The following DOCK9 variants were observed in gnomAD, a reference collection of about 807,000 sequenced individuals.
DOCK9 encodes dedicator of cytokinesis protein 9.
A neutral mutation model predicts 263.3 loss-of-function variants in DOCK9; 89 were observed. The ratio of observed to expected loss-of-function variants is 0.34; its 90% confidence interval spans 0.28 to 0.40. The LOEUF (loss-of-function observed/expected upper bound fraction) is 0.40. DOCK9 is among the 10% of genes least tolerant of loss of function. The pLI, the probability that DOCK9 is intolerant of heterozygous loss-of-function variation, is 1.00. For synonymous variants in DOCK9, 976 were observed against 973.1 expected, an observed-to-expected ratio of 1.00 and a Z score of -0.06; for missense variants, 2,140 against 2,603.4, an observed-to-expected ratio of 0.82 and a Z score of 3.87.
chr13:98,956,210 G>A (rs1159927593), intron 1 of DOCK9, among the ~76,000 whole-genome samples: 1 of 152,196 alleles, frequency 6.6e-6, no homozygotes, highest in Admixed American at 6.5e-5. Flanking sequence ...CATGCACTGA[G>A]CAGGAAAAAG....
At chr13:99,055,935 T>C (rs1481489826) in intron 1 of DOCK9, among the ~76,000 whole-genome samples, 3 of 152,066 alleles carry the variant, frequency 2.0e-5, no homozygotes, top group Non-Finnish European at 4.4e-5. Context: ...CAGCCAAGCT[T>C]TCCAAAAGCA....
At chr13:98,851,719 A>G (rs2093577695) in intron 35 of DOCK9, among the ~76,000 whole-genome samples, 1 of 152,220 alleles carries the variant, frequency 6.6e-6, no homozygotes, top group Non-Finnish European at 1.5e-5. Flanking sequence ...CTCTGTGTTA[A>G]CCATCTCTGG....
intron 39 of DOCK9, chr13:98,834,420 G>A (rs1343385380): frequency 1.3e-5 from 2 of 152,106 alleles, no homozygotes; most frequent in Admixed American, 6.5e-5. Flanking sequence ...TGTGTCTGCC[G>A]ACCAGGCTCA....
At chr13:98,999,237 G>A (rs1881725518) in intron 1 of DOCK9, among the ~76,000 whole-genome samples, 1 of 150,758 alleles carries the variant, frequency 6.6e-6, no homozygotes, top group African/African-American at 2.4e-5. Flanking sequence ...TGTGTGACCT[G>A]GAACACAGGT....
At chr13:99,073,648 T>C (rs906347020) in intron 1 of DOCK9, among the ~76,000 whole-genome samples, 4 of 152,224 alleles carry the variant, frequency 2.6e-5, no homozygotes, top group African/African-American at 9.7e-5. Flanking sequence ...ATCATAAACC[T>C]GATTGCATTT....
chr13:98,936,073 C>T lies in DOCK9; in HGVS notation c.244-5816G>A, dbSNP rs2054774220. ...ATAAAATGACATTCTGGTTTGTGCT[C>T]TTGTGGGGTTGCCTGCAACAAGTCA... On this transcript the variant is annotated intron_variant, in intron 2 of 52. Coordinates refer to ENST00000682017, the MANE Select transcript of DOCK9 (RefSeq NM_001366683.2). Among the ~76,000 whole-genome samples, 6 of 152,254 alleles carry T rather than the reference C, an allele frequency of 3.9e-5. No individual in the cohort carries two copies. In the South Asian group the frequency reaches 1.2e-3, roughly 32 times the overall value.
intron 1 of DOCK9, among the ~76,000 whole-genome samples, chr13:99,005,920 C>T (rs1480306715): frequency 6.6e-6 from 1 of 152,114 alleles, no homozygotes; most frequent in Non-Finnish European, 1.5e-5. Flanking sequence ...GTCTGCTAAC[C>T]CTGAGGGGAA....
chr13:98,997,829 G>A (rs1364724987), intron 1 of DOCK9, among the ~76,000 whole-genome samples: 1 of 152,232 alleles, frequency 6.6e-6, no homozygotes, highest in Non-Finnish European at 1.5e-5. Context: ...GAATAACTGA[G>A]AAGCATGCTG....
At chr13:98,865,346 G>T (rs992754024) in intron 30 of DOCK9, among the ~76,000 whole-genome samples, 3 of 152,122 alleles carry the variant, frequency 2.0e-5, no homozygotes, top group African/African-American at 7.2e-5. Context: ...TGCTGGGATT[G>T]TAAGTGCGAG....
chr13:99,024,257 C>G (rs1461418755), intron 1 of DOCK9, among the ~76,000 whole-genome samples: 1 of 152,162 alleles, frequency 6.6e-6, no homozygotes, highest in East Asian at 1.9e-4. Context: ...CATGGCCCCA[C>G]TGTAAATTAG....
intron 48 of DOCK9, among the ~76,000 whole-genome samples, chr13:98,805,930 A>C (rs1181513349): frequency 4.8e-4 from 73 of 152,020 alleles, no homozygotes; most frequent in Non-Finnish European, 7.4e-5. Flanking sequence ...CCAGCTAATT[A>C]TATATTTTTA....
chr13:99,008,202 CTCTCTCTCTCTATA>C (rs1347255872), intron 1 of DOCK9, among the ~76,000 whole-genome samples: 10 of 79,954 alleles, frequency 1.3e-4, no homozygotes, highest in Non-Finnish European at 1.5e-4. Context: ...CTCTCTCTCT[CTCTCTCTCTCTATA>C]TATATATATA....
rs143071151 is a variant in DOCK9, at chr13:98,795,605, A to G, written c.6157-857T>C. ...CTACTTTCATCTTCTCTAGTGCCCA[A>G]TGTCGGCACCCACTGACCAAACTCT... On this transcript the variant is annotated intron_variant, in intron 52 of 52. Transcript: ENST00000682017. Among the ~76,000 whole-genome samples, 158 of 152,302 alleles carry G rather than the reference A, an allele frequency of 1.0e-3. 2 individuals carry two copies. The highest frequency in any genetic ancestry group is 3.6e-3 in the African/African-American group (148 of 41,564).
At chr13:98,877,178 C>T (rs1036468196) in intron 27 of DOCK9, among the ~76,000 whole-genome samples, 6 of 152,200 alleles carry the variant, frequency 3.9e-5, no homozygotes, top group Non-Finnish European at 5.9e-5. Context: ...GTTCTTGGCT[C>T]TGCTCAGTTG....
chr13:98,807,592 T>A (rs2090872951), intron 48 of DOCK9, 69 bp downstream of exon 48: 6 of 1,341,664 alleles, frequency 4.5e-6, no homozygotes, highest in Non-Finnish European at 5.9e-6. Context: ...TATATACATT[T>A]AAAAATATAT....
Position 98,868,378 on chromosome 13 carries a change from C to T in DOCK9, c.2944-1G>A. The T allele has an allele frequency of 3.7e-6, 6 of 1,608,026 alleles. No individual in the cohort carries two copies. The highest frequency in any genetic ancestry group is 5.1e-6 in the Non-Finnish European group (6 of 1,177,486). On this transcript the variant is annotated splice_acceptor_variant, in intron 27 of 52. Transcript: ENST00000682017. LOFTEE classifies it high-confidence loss of function. The stretch of plus-strand genomic sequence containing the variant: ...CAGGAAATCTCTGGTTTCGCAGCAA[C>T]TAAAAAGAATTCAGAGCAAACATTT...
intron 2 of DOCK9, among the ~76,000 whole-genome samples, chr13:98,944,742 A>G (rs879639929): frequency 4.6e-5 from 7 of 152,218 alleles, no homozygotes; most frequent in Non-Finnish European, 8.8e-5. Flanking sequence ...TGAGGTGCCA[A>G]TCAGCTGAAC....
Position 98,930,225 on chromosome 13 carries a change from T to C in DOCK9, c.276A>G (p.Ile92Met), listed in dbSNP as rs1299538165. The C allele has an allele frequency of 1.9e-6, 3 of 1,612,104 alleles. No individual in the cohort carries two copies. Among genetic ancestry groups the C allele is most frequent in the African/African-American group, 2.7e-5 (2 of 75,052 alleles). The change falls in exon 3 of 53, where the codon ATA becomes ATG. Residue 92 changes from isoleucine to methionine, a missense_variant. By Grantham distance (10) the Ile-to-Met change is conservative (BLOSUM62 1). Around this residue, in one of 2 missense-constraint regions of DOCK9, gnomAD observed 1,521 missense variants for 1,741.7 expected, o/e 0.87. Transcript: ENST00000682017. ...TAILRRQGRY[I>M]CSTVPAKAEE... ...CCGCCTTCGCAGGCACTGTTGAGCA[T>C]ATGTATCGACCCTGTCGTCTCAGGA...
chr13:99,021,011 A>C (rs1439764099), intron 1 of DOCK9, among the ~76,000 whole-genome samples: 1 of 152,256 alleles, frequency 6.6e-6, no homozygotes, highest in African/African-American at 2.4e-5. Flanking sequence ...CATATCTGAC[A>C]GTCCATATTT....
Sources: allele counts gnomAD v4.1 joint callset (sites outside exome capture counted in the v4.1 genomes callset), GRCh38; gene constraint gnomAD v4.1.1; regional missense constraint gnomAD v4.1.1; transcripts MANE v1.5; gene names NCBI Gene and HGNC (gene_info 2026-07-23, HGNC 2026-07-21).